SPMIP2: variants seen among roughly 807,000 people sequenced by gnomAD.
The protein encoded by SPMIP2 is sperm microtubule inner protein 2.
At chr4:158,951,762 G>A in the SPMIP2 span, among the ~76,000 whole-genome samples, 1 of 152,210 alleles carries the variant, frequency 6.6e-6, no homozygotes, top group South Asian at 2.1e-4. Context: ...CCATGTGTGA[G>A]TTCCTATTGC....
the SPMIP2 span, among the ~76,000 whole-genome samples, chr4:158,921,525 G>A: frequency 2.0e-5 from 3 of 151,960 alleles, no homozygotes; most frequent in Admixed American, 6.6e-5. Context: ...CCTCCTATTG[G>A]CCATAGGAAG....
chr4:158,921,613 G>C, the SPMIP2 span, among the ~76,000 whole-genome samples: 10 of 152,118 alleles, frequency 6.6e-5, no homozygotes, highest in African/African-American at 2.4e-4. Flanking sequence ...GCAGAAGCCT[G>C]TACAGCCTGC....
chr4:159,076,754 A>G, the SPMIP2 span, among the ~76,000 whole-genome samples: 3 of 152,134 alleles, frequency 2.0e-5, no homozygotes, highest in Non-Finnish European at 4.4e-5. Context: ...TGCAGCCTCA[A>G]ACTCCTGGGC....
the SPMIP2 span, among the ~76,000 whole-genome samples, chr4:158,983,241 G>A: frequency 6.6e-6 from 1 of 152,024 alleles, no homozygotes; most frequent in African/African-American, 2.4e-5. Context: ...CACTCTGCAG[G>A]ATATTATCCA....
the SPMIP2 span, among the ~76,000 whole-genome samples, chr4:159,082,521 A>G: frequency 6.7e-6 from 1 of 149,964 alleles, no homozygotes; most frequent in African/African-American, 2.5e-5. Context: ...AGAAGGATTT[A>G]TCAAATATGA....
At chr4:158,982,295 A>G in the SPMIP2 span, among the ~76,000 whole-genome samples, 3 of 152,274 alleles carry the variant, frequency 2.0e-5, no homozygotes, top group East Asian at 1.9e-4. Flanking sequence ...ACACCCCACC[A>G]TTAATATTAG....
chr4:158,907,724 TG>T, the SPMIP2 span: 1 of 152,216 alleles, frequency 6.6e-6, no homozygotes, highest in Admixed American at 6.5e-5. Context: ...TTATTGTGCT[TG>T]GGGGAGAGGG....
chr4:158,952,201 C>G, the SPMIP2 span, among the ~76,000 whole-genome samples: 1 of 152,080 alleles, frequency 6.6e-6, no homozygotes, highest in African/African-American at 2.4e-5. Context: ...TTGAAAAGAA[C>G]ATGACTTGAA....
chr4:158,934,536 A>T, the SPMIP2 span, among the ~76,000 whole-genome samples: 1 of 152,218 alleles, frequency 6.6e-6, no homozygotes, highest in South Asian at 2.1e-4. Context: ...ATACTTATAA[A>T]GCATTTAAAA....
the SPMIP2 span, among the ~76,000 whole-genome samples, chr4:158,932,199 T>A: frequency 6.6e-6 from 1 of 152,192 alleles, no homozygotes; most frequent in South Asian, 2.1e-4. Flanking sequence ...ATTAAAATTC[T>A]TAACACTAAA....
the SPMIP2 span, among the ~76,000 whole-genome samples, chr4:159,082,461 G>C: frequency 2.8e-4 from 42 of 148,170 alleles, 1 homozygote; most frequent in South Asian, 3.1e-3. Flanking sequence ...GTGTGTGTGT[G>C]TGTGTGTGTG....
the SPMIP2 span, among the ~76,000 whole-genome samples, chr4:158,991,666 C>T: frequency 6.6e-6 from 1 of 152,148 alleles, no homozygotes; most frequent in Non-Finnish European, 1.5e-5. Context: ...CAGGTTTTCA[C>T]TTAGAACTAC....
the SPMIP2 span, chr4:158,904,505 C>CA: frequency 6.2e-7 from 1 of 1,613,338 alleles, no homozygotes; most frequent in Non-Finnish European, 8.5e-7. Context: ...CTGCTATTGC[C>CA]AGTACTCATT....
chr4:159,024,920 A>T, the SPMIP2 span, among the ~76,000 whole-genome samples: 2 of 152,162 alleles, frequency 1.3e-5, no homozygotes, highest in Non-Finnish European at 2.9e-5. Flanking sequence ...TACATATATA[A>T]CACATGTGAA....
chr4:158,919,328 GTTACA>G, the SPMIP2 span, among the ~76,000 whole-genome samples: 2 of 152,194 alleles, frequency 1.3e-5, no homozygotes, highest in Non-Finnish European at 2.9e-5. Context: ...AGAATCACGT[GTTACA>G]TTAGTTTTTA....
At chr4:159,014,723 G>C in the SPMIP2 span, among the ~76,000 whole-genome samples, 1 of 151,830 alleles carries the variant, frequency 6.6e-6, no homozygotes, top group South Asian at 2.1e-4. Context: ...TATGTCAGGG[G>C]TTCCAATTTT....
the SPMIP2 span, among the ~76,000 whole-genome samples, chr4:159,030,472 T>TTTATTTAC: frequency 1.3e-4 from 2 of 15,916 alleles, no homozygotes; most frequent in African/African-American, 7.5e-4. Flanking sequence ...ATTTTATTTA[T>TTTATTTAC]TTATTTATTT....
At chr4:159,008,953 A>G in the SPMIP2 span, among the ~76,000 whole-genome samples, 1 of 152,240 alleles carries the variant, frequency 6.6e-6, no homozygotes, top group Non-Finnish European at 1.5e-5. Context: ...ACATTCGATC[A>G]TCCAATATTT....
the SPMIP2 span, among the ~76,000 whole-genome samples, chr4:159,039,524 C>T: frequency 3.2e-4 from 49 of 152,150 alleles, no homozygotes; most frequent in African/African-American, 1.1e-3. Context: ...AGAAAGAAAA[C>T]GGGGGCCAAT....
Sources: gnomAD v4.1 joint callset for allele counts (sites outside exome capture counted in the v4.1 genomes callset) on GRCh38, gnomAD v4.1.1 for gene constraint, MANE v1.5 for transcripts, NCBI Gene and HGNC (gene_info 2026-07-23, HGNC 2026-07-21) for gene names.